Variants in DDX31 observed in about 807,000 individuals in gnomAD.
The protein encoded by DDX31 is DEAD-box helicase 31.
In DDX31, 70 loss-of-function variants were observed where a neutral mutation model predicts 91.3. The ratio of observed to expected loss-of-function variants is 0.77; its 90% CI spans 0.63 to 0.94. The LOEUF (loss-of-function observed/expected upper bound fraction) is 0.94, where lower values mean the gene tolerates loss of function less well. Ranked by LOEUF, DDX31 falls within the 40% of genes least tolerant of loss-of-function variation. The pLI is 0.00. For missense variants in DDX31, 902 were observed against 925.0 expected (o/e 0.98, Z 0.32); for synonymous variants, 362 against 350.6 (o/e 1.03, Z -0.36).
At chr9:132,662,988 T>C (rs1590107929) in intron 1 of DDX31, among the ~76,000 whole-genome samples, 1 of 152,232 alleles carries the variant, frequency 6.6e-6, no homozygotes, top group East Asian at 1.9e-4. Flanking sequence ...AAGCAGCATT[T>C]TTCCAGTTGA....
At chr9:132,596,857 G>A (rs1009277959) in intron 19 of DDX31, among the ~76,000 whole-genome samples, 2 of 152,160 alleles carry the variant, frequency 1.3e-5, no homozygotes, top group African/African-American at 2.4e-5. Flanking sequence ...AGGGAGTGGT[G>A]AGGGGAGACA....
At chr9:132,637,854 C>T (rs1376067514) in intron 14 of DDX31, 2 of 986,494 alleles carry the variant, frequency 2.0e-6, no homozygotes, top group African/African-American at 3.5e-5. Context: ...AAAAGCATAC[C>T]CCAGAGAAAA....
rs546957607 is a variant in DDX31 at position 132,596,743 on chromosome 9, C to T, written c.1995-1631G>A. Reference sequence around the variant, plus strand: ...CCGGGTCAGCGGGGGCAGGACTCAGCTGGACCAAGGGTGGAAAATGGTGAG... The same window carrying T: ...CCGGGTCAGCGGGGGCAGGACTCAGTTGGACCAAGGGTGGAAAATGGTGAG... On this transcript the variant is annotated intron_variant, in intron 19 of 19. Transcript: ENST00000372159. 5.7e-4 allele frequency among the ~76,000 whole-genome samples: 87 copies of T among 152,274 alleles called. 1 individual carries two copies. The highest frequency in any genetic ancestry group is 5.2e-3 in the Admixed American group (79 of 15,300).
chr9:132,600,425 G>A (rs926117145), intron 19 of DDX31, among the ~76,000 whole-genome samples: 3 of 152,198 alleles, frequency 2.0e-5, no homozygotes, highest in Non-Finnish European at 4.4e-5. Flanking sequence ...TGGACACAGA[G>A]GCTGGTGAAA....
chr9:132,632,120 CACTGAGTT>C, intron 14 of DDX31, 29 bp from the exon 15 acceptor site: 2 of 1,605,326 alleles, frequency 1.2e-6, no homozygotes, highest in Non-Finnish European at 1.7e-6. Flanking sequence ...TATGGTTTAA[CACTGAGTT>C]TCTGAACCTT....
chr9:132,594,654 C>A lies in DDX31; in HGVS notation c.*212G>T. On this transcript the variant is annotated 3_prime_UTR_variant, in exon 20 of 20. Transcript: ENST00000372159. ...AGACACAGACCCCTTCCGTCGGGAGCTGGCTAGTCTCTACAGTGCCCCACA... is the reference window on the plus strand; with the variant it reads ...AGACACAGACCCCTTCCGTCGGGAGATGGCTAGTCTCTACAGTGCCCCACA... 1.4e-6 allele frequency: 1 copy of A among 708,928 alleles called. No homozygotes were observed. Among genetic ancestry groups the A allele is most frequent in the East Asian group, 2.9e-5 (1 of 34,422 alleles). The allele number at this position is 708,928 out of a possible 1,614,324, so 43.9% of individuals were successfully genotyped here. A position where few individuals can be genotyped will look rare whatever the true frequency, so the allele number is the denominator to read the frequency against.
At chr9:132,621,704 G>A (rs1290166454) in intron 17 of DDX31, among the ~76,000 whole-genome samples, 5 of 152,074 alleles carry the variant, frequency 3.3e-5, no homozygotes, top group Admixed American at 3.3e-4. Flanking sequence ...TAAGACACAC[G>A]TTATTTCTTA....
At chr9:132,662,793 C>T in intron 1 of DDX31, 98 bp from the exon 2 acceptor site, 1 of 1,491,620 alleles carries the variant, frequency 6.7e-7, no homozygotes. Context: ...TTGCATCTCT[C>T]CCTGCAGAGA....
chr9:132,612,446 G>A, intron 18 of DDX31, 191 bp from the exon 19 acceptor site: 5 of 484,488 alleles, frequency 1.0e-5, no homozygotes, highest in African/African-American at 2.0e-5. Context: ...ACAACAAAAA[G>A]AAAAAAACTA....
At chr9:132,658,546 A>G (rs1023366100) in intron 6 of DDX31, 125 bp downstream of exon 6, 10 of 836,810 alleles carry the variant, frequency 1.2e-5, no homozygotes, top group Non-Finnish European at 1.9e-5. Context: ...TAAATAAATT[A>G]AAAGGAGGTG....
chr9:132,648,065 C>G, intron 11 of DDX31, 124 bp downstream of exon 11: 1 of 715,544 alleles, frequency 1.4e-6, no homozygotes, highest in South Asian at 1.9e-5. Context: ...CTTCTAAGGA[C>G]AGCTCTCTCC....
chr9:132,641,913 T>C lies in DDX31; in HGVS notation c.1440+91A>G, dbSNP rs977279943. 4 of 1,376,010 alleles carry C rather than the reference T, an allele frequency of 2.9e-6. No homozygotes were observed. The African/African-American group carries it at 4.3e-5, about 15-fold the overall frequency. 85.2% of individuals were successfully genotyped at this position (1,376,010 alleles called of 1,614,324 possible). Reference sequence around the variant, plus strand: ...CTAGTGTTCCTGGGCCCTGTAGGACTGACCACAGGACAAACTGTCAAGAGA... The same window carrying C: ...CTAGTGTTCCTGGGCCCTGTAGGACCGACCACAGGACAAACTGTCAAGAGA... On this transcript the variant is annotated intron_variant, in intron 14 of 19. Coordinates refer to ENST00000372159, the MANE Select transcript of DDX31 (RefSeq NM_022779.9).
chr9:132,667,711 T>C lies in DDX31; in HGVS notation c.75+2149A>G, dbSNP rs1346296698. ...CCCTTTTGATAACCATAAAACTAGG[T>C]AGCCTATATGTATTTACTCAATGCT... On this transcript the variant is annotated intron_variant, in intron 1 of 19. Transcript: ENST00000372159. Among the ~76,000 whole-genome samples the C allele has an allele frequency of 1.4e-4, 22 of 152,154 alleles. 1 individual carries two copies. The highest frequency in any genetic ancestry group is 1.4e-3 in the Admixed American group (21 of 15,266).
rs1426791793 is a variant in DDX31, at chr9:132,669,566, C to T, written c.75+294G>A. The T allele has an allele frequency of 2.7e-6, 4 of 1,462,980 alleles. No homozygotes were observed. In the African/African-American group the frequency reaches 5.6e-5, roughly 20 times the overall value. The allele number at this position is 1,462,980 out of a possible 1,614,324, so 90.6% of individuals were successfully genotyped here. ...GGGACTTGCGCCGGAACTTCAGGTCCTACCTTCCACGGGAAACAGCCTCTA... is the reference window on the plus strand; with the variant it reads ...GGGACTTGCGCCGGAACTTCAGGTCTTACCTTCCACGGGAAACAGCCTCTA... On this transcript the variant is annotated intron_variant, in intron 1 of 19. Coordinates refer to ENST00000372159, the MANE Select transcript of DDX31 (RefSeq NM_022779.9).
intron 19 of DDX31, among the ~76,000 whole-genome samples, chr9:132,602,408 C>A (rs1301315708): frequency 6.6e-6 from 1 of 152,184 alleles, no homozygotes. Context: ...TTATCAAACA[C>A]CCACTCTGAG....
At chr9:132,613,876 C>G (rs1451803320) in intron 18 of DDX31, among the ~76,000 whole-genome samples, 1 of 152,138 alleles carries the variant, frequency 6.6e-6, no homozygotes, top group Admixed American at 6.5e-5. Flanking sequence ...AATCAAGTGT[C>G]CACCCGCTTC....
At chr9:132,664,190 T>C (rs1007833812) in intron 1 of DDX31, among the ~76,000 whole-genome samples, 1 of 152,252 alleles carries the variant, frequency 6.6e-6, no homozygotes, top group African/African-American at 2.4e-5. Flanking sequence ...GTATACTTTC[T>C]GCAGCAACAC....
chr9:132,630,433 C>T, intron 15 of DDX31, 30 bp from the exon 16 acceptor site: 2 of 1,569,500 alleles, frequency 1.3e-6, no homozygotes, highest in Non-Finnish European at 1.7e-6. Context: ...TGAAGGCATT[C>T]ATAGATCAAG....
chr9:132,662,564 G>T lies in DDX31; in HGVS notation c.207C>A (p.Asn69Lys), dbSNP rs371271628. The change falls in exon 2 of 20, where the codon AAC becomes AAA. Residue 69 changes from asparagine to lysine, a missense_variant. Asn to Lys is a moderately conservative substitution (Grantham distance 94, BLOSUM62 0). Transcript: ENST00000372159. ...TCTTTGGAGAAAACATTTTTTGTGC[G>T]TTCCCCTTAAAAGTCCTCTGAGTTT... The part of the protein sequence containing the change: ...VKETQRTFKG[N>K]AQKMFSPKKH... The T allele has an allele frequency of 4.3e-6, 7 of 1,614,038 alleles. No individual in the cohort carries two copies. In the African/African-American group the frequency reaches 8.0e-5, roughly 18 times the overall value.
Sources: allele counts gnomAD v4.1 joint callset (sites outside exome capture counted in the v4.1 genomes callset), GRCh38; gene constraint gnomAD v4.1.1; transcripts MANE v1.5; gene names NCBI Gene and HGNC (gene_info 2026-07-23, HGNC 2026-07-21).